GCH1: variants seen among roughly 807,000 people sequenced by gnomAD.
The protein encoded by GCH1 is GTP cyclohydrolase I.
A neutral mutation model predicts 25.9 loss-of-function variants in GCH1; 5 were observed. That is an observed-to-expected ratio of 0.19 (90% confidence interval 0.10 to 0.41). The LOEUF is 0.41. GCH1 is among the 10% of genes least tolerant of loss of function. GCH1 has a pLI of 1.00. For synonymous variants in GCH1, 159 were observed against 129.6 expected (o/e 1.23, Z -1.54); for missense variants, 261 against 336.5 (o/e 0.78, Z 1.75).
intron 1 of GCH1, among the ~76,000 whole-genome samples, chr14:54,890,912 G>C (rs969825655): frequency 2.0e-5 from 3 of 152,092 alleles, no homozygotes; most frequent in Admixed American, 6.5e-5. Flanking sequence ...GCTTCCCTCT[G>C]ACTACACAGA....
intron 1 of GCH1, among the ~76,000 whole-genome samples, chr14:54,887,260 T>A (rs1385626002): frequency 6.6e-6 from 1 of 152,210 alleles, no homozygotes; most frequent in Non-Finnish European, 1.5e-5. Flanking sequence ...CAATTAGAAG[T>A]CTTTAAATCT....
chr14:54,902,390 G>T lies in GCH1; in HGVS notation c.274C>A (p.Leu92Ile), dbSNP rs763294577. Residue 92 changes from leucine to isoleucine, a missense_variant, in exon 1 of 6, where the codon CTC becomes ATC. Physicochemically the swap from Leu to Ile is conservative, Grantham distance 5 (BLOSUM62 2). This residue lies in a region of GCH1 where 6 missense variants were observed against 23.7 expected (regional missense o/e 0.25). Transcript: ENST00000491895. Reference protein sequence around the residue: ...LGENPQRQGLLKTPWRAASAM... With the variant: ...LGENPQRQGLIKTPWRAASAM... ...GAGGCCGCCCTCCAGGGCGTCTTGA[G>T]CAGCCCTTGCCGCTGGGGGTTCTCG... The T allele has an allele frequency of 8.1e-6, 13 of 1,613,066 alleles. No individual in the cohort carries two copies. Among genetic ancestry groups the T allele is most frequent in the South Asian group, 3.3e-5 (3 of 91,080 alleles).
intron 1 of GCH1, among the ~76,000 whole-genome samples, chr14:54,875,443 T>C (rs10220344): frequency 0.45 from 68,255 of 151,926 alleles, 17,034 homozygotes; most frequent in African/African-American, 0.67. Context: ...ACACCAAAAG[T>C]GATGGCAACA....
chr14:54,847,107 C>A lies in GCH1; in HGVS notation c.533G>T (p.Arg178Ile). The A allele has an allele frequency of 1.0e-6, 1 of 983,990 alleles. No individual in the cohort carries two copies. Among genetic ancestry groups the A allele is most frequent in the Non-Finnish European group, 1.6e-6 (1 of 629,146 alleles). The allele number at this position is 983,990 out of a possible 1,614,324, so 61.0% of individuals were successfully genotyped here. Residue 178 changes from arginine to isoleucine, a missense_variant, in exon 4 of 6, where the codon AGA becomes ATA. Transcript: ENST00000491895. ...AGATTTTTAAAGCTTACCTTGTAGTCTTCTACTATAGATTTCTACAATCCT... is the reference window on the plus strand; with the variant it reads ...AGATTTTTAAAGCTTACCTTGTAGTATTCTACTATAGATTTCTACAATCCT... ...LARIVEIYSR[R>I]LQVQERLTKQ...
chr14:54,862,771 A>G (rs2039923783), intron 2 of GCH1, among the ~76,000 whole-genome samples: 1 of 151,588 alleles, frequency 6.6e-6, no homozygotes, highest in Admixed American at 6.6e-5. Context: ...AACTACTTTT[A>G]TCAGAAATGT....
chr14:54,890,999 G>C (rs983346605), intron 1 of GCH1, among the ~76,000 whole-genome samples: 1 of 152,134 alleles, frequency 6.6e-6, no homozygotes, highest in African/African-American at 2.4e-5. Flanking sequence ...TACTCATAGA[G>C]ACCATCTACA....
Position 54,842,915 on chromosome 14 carries a change from G to T in GCH1, c.*1102C>A. 1 of 620,294 alleles carries T rather than the reference G, an allele frequency of 1.6e-6. No homozygotes were observed. The highest frequency in any genetic ancestry group is 2.2e-5 in the South Asian group (1 of 44,992). 38.4% of individuals were successfully genotyped at this position (620,294 alleles called of 1,614,324 possible). A position where few individuals can be genotyped will look rare whatever the true frequency, so the allele number is the denominator to read the frequency against. ...CCACATAGACCACAAAGGAAACCGGGACCAGAAGCTTCCAGTGCATTTTCA... is the reference window on the plus strand; with the variant it reads ...CCACATAGACCACAAAGGAAACCGGTACCAGAAGCTTCCAGTGCATTTTCA... On this transcript the variant is annotated 3_prime_UTR_variant, in exon 6 of 6. Coordinates refer to ENST00000491895, the MANE Select transcript of GCH1 (RefSeq NM_000161.3).
At chr14:54,885,944 A>C in intron 1 of GCH1, 1 of 226,110 alleles carries the variant, frequency 4.4e-6, no homozygotes, top group South Asian at 6.0e-5. Context: ...AGCAGTTCAC[A>C]CAACAGCCCA....
chr14:54,870,214 T>C (rs1192836922), intron 1 of GCH1, among the ~76,000 whole-genome samples: 2 of 151,926 alleles, frequency 1.3e-5, no homozygotes, highest in Non-Finnish European at 2.9e-5. Context: ...ACATAATTTT[T>C]AGGCTGGGTG....
At chr14:54,860,685 C>T (rs532511172) in intron 2 of GCH1, among the ~76,000 whole-genome samples, 37 of 152,154 alleles carry the variant, frequency 2.4e-4, no homozygotes, top group African/African-American at 8.4e-4. Context: ...GGACTACAGG[C>T]GCCTGCCACC....
At chr14:54,900,169 G>A (rs9972204) in intron 1 of GCH1, among the ~76,000 whole-genome samples, 6,037 of 150,522 alleles carry the variant, frequency 0.04, 430 homozygotes, top group African/African-American at 0.14. Flanking sequence ...CCGGCCCATG[G>A]ACTTTTTAAA....
intron 1 of GCH1, among the ~76,000 whole-genome samples, chr14:54,870,907 A>T (rs1034209359): frequency 2.0e-5 from 3 of 152,076 alleles, no homozygotes; most frequent in African/African-American, 7.2e-5. Context: ...GCCTCCGTAG[A>T]CTCCACCTCT....
At chr14:54,886,800 G>C (rs2040359748) in intron 1 of GCH1, among the ~76,000 whole-genome samples, 1 of 152,226 alleles carries the variant, frequency 6.6e-6, no homozygotes, top group African/African-American at 2.4e-5. Context: ...CAACCTACTA[G>C]AAGTGTGGAC....
chr14:54,891,756 G>T (rs954269393), intron 1 of GCH1, among the ~76,000 whole-genome samples: 1 of 152,130 alleles, frequency 6.6e-6, no homozygotes, highest in African/African-American at 2.4e-5. Flanking sequence ...GTATTGCGAT[G>T]AAATCTCCAG....
intron 1 of GCH1, among the ~76,000 whole-genome samples, chr14:54,883,276 G>A (rs111704405): frequency 0.031 from 4,627 of 151,364 alleles, 96 homozygotes; most frequent in Non-Finnish European, 0.045. Context: ...GTAGGCTGAG[G>A]CAGATGAATT....
At position 54,842,162 on chromosome 14, in the gene GCH1, T is replaced by C. The variant is rs1357329918; in HGVS notation, c.*1855A>G. ...CCCCAAATGGACTCAAGATCATGGA[T>C]ATGAAAAGGTAATTTTGAAGTACTA... On this transcript the variant is annotated 3_prime_UTR_variant, in exon 6 of 6. Transcript: ENST00000491895. 2.0e-5 allele frequency: 3 copies of C among 152,374 alleles called. No individual in the cohort carries two copies. In the East Asian group the frequency reaches 5.8e-4, roughly 29 times the overall value. The allele number at this position is 152,374 out of a possible 1,614,324, so 9.4% of individuals were successfully genotyped here. A position where few individuals can be genotyped will look rare whatever the true frequency, so the allele number is the denominator to read the frequency against.
intron 1 of GCH1, among the ~76,000 whole-genome samples, chr14:54,891,444 C>T (rs1314168649): frequency 7.0e-6 from 1 of 142,660 alleles, no homozygotes; most frequent in African/African-American, 2.6e-5. Flanking sequence ...GAGTCTCCCT[C>T]TGTCACCCAG....
intron 1 of GCH1, among the ~76,000 whole-genome samples, chr14:54,875,939 C>T (rs1447868622): frequency 2.0e-5 from 3 of 152,164 alleles, no homozygotes; most frequent in East Asian, 1.9e-4. Context: ...GTCAGTGTGG[C>T]GATTCCTCAG....
intron 1 of GCH1, among the ~76,000 whole-genome samples, chr14:54,870,453 T>C (rs1431601377): frequency 6.6e-6 from 1 of 152,038 alleles, no homozygotes; most frequent in Admixed American, 6.6e-5. Flanking sequence ...TTTCTGCATT[T>C]CTAACTGAGG....
Sources: allele counts gnomAD v4.1 joint callset (sites outside exome capture counted in the v4.1 genomes callset), GRCh38; gene constraint gnomAD v4.1.1; regional missense constraint gnomAD v4.1.1; transcripts MANE v1.5; gene names NCBI Gene and HGNC (gene_info 2026-07-23, HGNC 2026-07-21).